EIF4G3: variants seen among roughly 807,000 people sequenced by gnomAD.
EIF4G3 encodes the protein eIF-4-gamma 3.
A neutral mutation model predicts 186.4 loss-of-function variants in EIF4G3; 34 were observed. The observed-to-expected ratio is 0.18, with a 90% CI of 0.14 to 0.24. The LOEUF is 0.24. Among genes scored for constraint, EIF4G3 ranks in the 10% least tolerant of loss-of-function variants. The probability of loss-of-function intolerance (pLI) is 1.00; values close to 1 mark genes in which losing one functional copy is unlikely to be tolerated. For missense variants in EIF4G3, 1,536 were observed against 1,948.5 expected (o/e 0.79, Z 3.99); for synonymous variants, 673 against 679.5 (o/e 0.99, Z 0.15).
rs902165199 is a variant in EIF4G3, at chr1:21,143,290, GAGAA to G, written c.-272+32881_-272+32884del. Among the ~76,000 whole-genome samples, 107 of 149,648 alleles carry G rather than the reference GAGAA, an allele frequency of 7.2e-4. 1 individual carries two copies. The highest frequency in any genetic ancestry group is 2.3e-3 in the African/African-American group (93 of 40,624). On this transcript the variant is annotated intron_variant, in intron 2 of 36. Transcript: ENST00000602326. Reference sequence around the variant, plus strand: ...ATAAAGGAGAGGAGGGGAGGGGAGAGAGAAAGAGAGACAAAGAAAGAAAGAGAAA... The same window carrying G: ...ATAAAGGAGAGGAGGGGAGGGGAGAGAGAGAGACAAAGAAAGAAAGAGAAA...
At chr1:21,153,826 A>G (rs1489367220) in intron 2 of EIF4G3, among the ~76,000 whole-genome samples, 1 of 151,934 alleles carries the variant, frequency 6.6e-6, no homozygotes, top group Non-Finnish European at 1.5e-5. Context: ...TGGCCTCCCA[A>G]AGTGCTGGGA....
At chr1:20,821,717 A>G (rs2062416069) in intron 33 of EIF4G3, among the ~76,000 whole-genome samples, 1 of 149,374 alleles carries the variant, frequency 6.7e-6, no homozygotes. Flanking sequence ...TATTATGTAT[A>G]CTTCCCTATT....
intron 2 of EIF4G3, among the ~76,000 whole-genome samples, chr1:21,140,379 T>G (rs973539010): frequency 2.6e-5 from 4 of 152,172 alleles, no homozygotes; most frequent in African/African-American, 9.7e-5. Flanking sequence ...AGTAGCGTGA[T>G]CTCAGCTCAC....
At chr1:21,047,591 C>T (rs1388139789) in intron 4 of EIF4G3, among the ~76,000 whole-genome samples, 1 of 152,188 alleles carries the variant, frequency 6.6e-6, no homozygotes, top group East Asian at 1.9e-4. Context: ...CTTCCCTCTT[C>T]CCTATGAAGA....
intron 2 of EIF4G3, 55 bp downstream of exon 2, chr1:21,176,120 C>T: frequency 3.0e-6 from 1 of 328,718 alleles, no homozygotes; most frequent in East Asian, 4.9e-5. Flanking sequence ...CTGCGGGGTC[C>T]CCCTGGACTG....
intron 4 of EIF4G3, among the ~76,000 whole-genome samples, chr1:21,049,409 T>C (rs1341919135): frequency 6.6e-6 from 1 of 152,140 alleles, no homozygotes; most frequent in East Asian, 1.9e-4. Context: ...TACACCTTAA[T>C]AGTAAGTTGA....
rs141637460 is a variant in EIF4G3, at chr1:21,010,003, G to A, written c.-66-7195C>T. ...CAACCAATGCAAATAGAACTTTCTG[G>A]GATAATTATAAATGTTCCATATTTA... On this transcript the variant is annotated intron_variant, in intron 4 of 36. Transcript: ENST00000602326. Among the ~76,000 whole-genome samples the A allele has an allele frequency of 2.3e-3, 349 of 151,998 alleles. 3 individuals are homozygous for A. In the East Asian group the frequency reaches 0.039, roughly 17 times the overall value.
chr1:20,944,443 A>G (rs2095855992), intron 13 of EIF4G3, among the ~76,000 whole-genome samples: 1 of 151,602 alleles, frequency 6.6e-6, no homozygotes, highest in Admixed American at 6.6e-5. Context: ...TGAGCCCAGG[A>G]GGTCGAGGCT....
Position 20,810,610 on chromosome 1 carries a change from G to A in EIF4G3, c.4744+128C>T. On this transcript the variant is annotated intron_variant, in intron 36 of 36. Transcript: ENST00000602326. The surrounding 1 kb of genome is among the most constrained non-coding windows in gnomAD (Gnocchi z 4.1). ...GCCAAATTCAAATTTATTAAAGTTA[G>A]TTATATGAGTTTGTGTTATTAGTGA... 1 of 1,128,426 alleles carries A rather than the reference G, an allele frequency of 8.9e-7. No individual in the cohort carries two copies. The highest frequency in any genetic ancestry group is 1.3e-6 in the Non-Finnish European group (1 of 789,634). 69.9% of individuals were successfully genotyped at this position (1,128,426 alleles called of 1,614,324 possible).
At chr1:20,852,603 C>T (rs532090927) in intron 27 of EIF4G3, among the ~76,000 whole-genome samples, 2 of 152,282 alleles carry the variant, frequency 1.3e-5, no homozygotes, top group South Asian at 4.1e-4. Flanking sequence ...GCTGAGCAAA[C>T]AGTTCGTTGG....
At chr1:20,943,967 A>AG (rs1558361554) in intron 13 of EIF4G3, among the ~76,000 whole-genome samples, 2,556 of 65,364 alleles carry the variant, frequency 0.039, 214 homozygotes, top group South Asian at 0.13. Flanking sequence ...ACTTGTCTTT[A>AG]TTTTTTTTGT....
intron 3 of EIF4G3, among the ~76,000 whole-genome samples, chr1:21,068,396 A>AAAAAC (rs1557804900): frequency 7.5e-4 from 112 of 148,794 alleles, no homozygotes; most frequent in Middle Eastern, 3.5e-3. Flanking sequence ...AAAAAAAAAA[A>AAAAAC]AAAACAGAAT....
At chr1:20,981,988 G>A (rs764099688) in intron 8 of EIF4G3, among the ~76,000 whole-genome samples, 1 of 152,112 alleles carries the variant, frequency 6.6e-6, no homozygotes, top group Non-Finnish European at 1.5e-5. Context: ...ATACTTAGAA[G>A]AACAAGGAAT....
chr1:20,881,714 G>A (rs1408040822), intron 19 of EIF4G3, among the ~76,000 whole-genome samples: 2 of 152,028 alleles, frequency 1.3e-5, no homozygotes, highest in African/African-American at 4.8e-5. Context: ...CTGAGCCAGG[G>A]GAGGCTGAGG....
chr1:21,123,257 T>C (rs991726682), intron 2 of EIF4G3, among the ~76,000 whole-genome samples: 1 of 152,046 alleles, frequency 6.6e-6, no homozygotes, highest in Non-Finnish European at 1.5e-5. Context: ...AAAGATGCGA[T>C]GCCTTCAATA....
At chr1:20,879,005 C>T (rs2081596259) in intron 20 of EIF4G3, among the ~76,000 whole-genome samples, 1 of 152,122 alleles carries the variant, frequency 6.6e-6, no homozygotes, top group South Asian at 2.1e-4. Flanking sequence ...TGCTTGCTTT[C>T]CATAAGAGAC....
At chr1:20,909,528 TA>T (rs1007901113) in intron 14 of EIF4G3, among the ~76,000 whole-genome samples, 1 of 151,908 alleles carries the variant, frequency 6.6e-6, no homozygotes. Context: ...GATATAAAGT[TA>T]AAAAAAACAC....
At chr1:21,015,893 G>C (rs1245269784) in intron 4 of EIF4G3, among the ~76,000 whole-genome samples, 3 of 151,672 alleles carry the variant, frequency 2.0e-5, no homozygotes, top group African/African-American at 7.3e-5. Context: ...ATTACCATAA[G>C]ACATGCCCTA....
chr1:21,002,936 T>C (rs2083916729), intron 4 of EIF4G3, 128 bp from the exon 5 acceptor site: 3 of 518,076 alleles, frequency 5.8e-6, no homozygotes, highest in Non-Finnish European at 1.0e-5. Context: ...TTTTTAAAAA[T>C]TTAACTTTAT....
Sources: gnomAD v4.1 joint callset for allele counts (sites outside exome capture counted in the v4.1 genomes callset) on GRCh38, gnomAD v4.1.1 for gene constraint, Gnocchi (gnomAD v3.1) non-coding constraint, MANE v1.5 for transcripts, NCBI Gene and HGNC (gene_info 2026-07-23, HGNC 2026-07-21) for gene names.